The following VTA1 variants were observed in gnomAD, a reference collection of about 807,000 sequenced individuals.
VTA1 encodes the protein vesicle trafficking 1, also known as vacuolar protein sorting-associated protein VTA1 homolog.
VTA1 carries 24 observed loss-of-function variants against 36.9 expected under a neutral mutation model. The observed-to-expected ratio is 0.65, with a 90% CI of 0.47 to 0.91. The LOEUF is 0.91. Ranked by LOEUF, VTA1 falls within the 40% of genes least tolerant of loss-of-function variation. The pLI, the probability that VTA1 is intolerant of heterozygous loss-of-function variation, is 0.00. For missense variants in VTA1, 393 were observed against 377.2 expected (o/e 1.04, Z -0.35); for synonymous variants, 142 against 130.2 (o/e 1.09, Z -0.62).
At chr6:142,156,211 A>G (rs1050877309) in intron 1 of VTA1, among the ~76,000 whole-genome samples, 3 of 152,178 alleles carry the variant, frequency 2.0e-5, no homozygotes, top group African/African-American at 7.2e-5. Flanking sequence ...GACTCGAATA[A>G]ACAAAGTCAG....
chr6:142,211,571 C>T (rs867688765), intron 7 of VTA1, among the ~76,000 whole-genome samples: 7 of 151,910 alleles, frequency 4.6e-5, no homozygotes, highest in Admixed American at 6.6e-5. Context: ...ATTAGCCGGG[C>T]GCGGTGGCAG....
intron 4 of VTA1, among the ~76,000 whole-genome samples, chr6:142,177,559 T>C (rs191597799): frequency 6.6e-6 from 1 of 152,242 alleles, no homozygotes; most frequent in Admixed American, 6.5e-5. Context: ...TAGGAAGCCT[T>C]TATGAACTAG....
intron 4 of VTA1, among the ~76,000 whole-genome samples, chr6:142,187,680 G>C (rs1339243011): frequency 1.3e-5 from 2 of 152,132 alleles, no homozygotes; most frequent in Non-Finnish European, 2.9e-5. Context: ...AAGAAAATCA[G>C]AATCAATGTA....
In VTA1 at chr6:142,223,830, C is replaced by G. The variant is rs1399774927; in HGVS notation, c.*5187C>G. On this transcript the variant is annotated 3_prime_UTR_variant, in exon 8 of 8. Coordinates refer to ENST00000367630, the MANE Select transcript of VTA1 (RefSeq NM_016485.5). ...AAGGTTGAGCTGAAGGTTTGGCAGG[C>G]AGGGAAGCAAGGAGAAGTTAGCAGA... The G allele has an allele frequency of 6.6e-6, 1 of 151,972 alleles. No individual in the cohort carries two copies. The highest frequency in any genetic ancestry group is 2.4e-5 in the African/African-American group (1 of 41,350). 9.4% of individuals were successfully genotyped at this position (151,972 alleles called of 1,614,324 possible).
intron 5 of VTA1, among the ~76,000 whole-genome samples, chr6:142,190,629 A>G (rs1292138566): frequency 2.0e-5 from 3 of 152,222 alleles, no homozygotes; most frequent in African/African-American, 7.2e-5. Flanking sequence ...TTATAAAGAG[A>G]ACGACCACTG....
At chr6:142,202,688 T>C (rs1775712698) in intron 6 of VTA1, among the ~76,000 whole-genome samples, 1 of 151,954 alleles carries the variant, frequency 6.6e-6, no homozygotes, top group Non-Finnish European at 1.5e-5. Flanking sequence ...AGCATTGACA[T>C]ATATATAGAT....
chr6:142,202,190 G>A (rs1291480456), intron 6 of VTA1, among the ~76,000 whole-genome samples: 3 of 151,810 alleles, frequency 2.0e-5, no homozygotes. Flanking sequence ...GCCTTTCAGT[G>A]TTTGGCAAGT....
chr6:142,169,218 G>A (rs1430932584), intron 2 of VTA1, among the ~76,000 whole-genome samples: 1 of 152,018 alleles, frequency 6.6e-6, no homozygotes, highest in African/African-American at 2.4e-5. Context: ...TATAGTTTGG[G>A]TAATAAAACA....
intron 7 of VTA1, among the ~76,000 whole-genome samples, chr6:142,212,330 A>T (rs907519634): frequency 4.6e-5 from 7 of 152,228 alleles, no homozygotes; most frequent in African/African-American, 1.7e-4. Flanking sequence ...GATATTATTC[A>T]GTGCTAGAAG....
chr6:142,158,762 C>T (rs974860392), intron 1 of VTA1, among the ~76,000 whole-genome samples: 1 of 152,112 alleles, frequency 6.6e-6, no homozygotes, highest in African/African-American at 2.4e-5. Flanking sequence ...CATACCTCCA[C>T]TGTGAAGTTA....
intron 6 of VTA1, chr6:142,198,870 T>A (rs1373338744): frequency 1.6e-5 from 4 of 254,584 alleles, no homozygotes; most frequent in Non-Finnish European, 3.0e-5. Flanking sequence ...AAGATTGGTT[T>A]CCATGCTTTT....
intron 7 of VTA1, among the ~76,000 whole-genome samples, chr6:142,211,680 C>T (rs558579944): frequency 1.4e-4 from 20 of 147,362 alleles, no homozygotes; most frequent in Non-Finnish European, 2.2e-4. Context: ...CACTGCAGTC[C>T]GGCCTGGGCG....
At chr6:142,211,637 G>T (rs953595507) in intron 7 of VTA1, among the ~76,000 whole-genome samples, 3 of 151,790 alleles carry the variant, frequency 2.0e-5, no homozygotes, top group Non-Finnish European at 4.4e-5. Context: ...CATGAACACG[G>T]GAGGCAGAGC....
At chr6:142,210,000 A>G (rs1775871084) in intron 7 of VTA1, among the ~76,000 whole-genome samples, 1 of 152,170 alleles carries the variant, frequency 6.6e-6, no homozygotes, top group African/African-American at 2.4e-5. Flanking sequence ...GCATCACACT[A>G]TGTGACTTCA....
intron 1 of VTA1, among the ~76,000 whole-genome samples, chr6:142,149,412 CT>C (rs1778522355): frequency 6.6e-6 from 1 of 152,108 alleles, no homozygotes; most frequent in African/African-American, 2.4e-5. Flanking sequence ...TGTTATTAAA[CT>C]TTTTAATTTT....
In VTA1 at chr6:142,204,829, ATTC is replaced by A. The variant is rs1775758317; in HGVS notation, c.778+766_778+768del. Among the ~76,000 whole-genome samples the A allele has an allele frequency of 2.0e-5, 3 of 151,776 alleles. No individual in the cohort carries two copies. In the East Asian group the frequency reaches 5.8e-4, roughly 29 times the overall value. ...AACCTCTGCCTCCCGGGTTCAAGCT[ATTC>A]TCCTACCTCAACCTCCCCAGTAGCT... is the stretch of plus-strand genomic sequence containing the variant. On this transcript the variant is annotated intron_variant, in intron 7 of 7. Coordinates refer to ENST00000367630, the MANE Select transcript of VTA1 (RefSeq NM_016485.5).
intron 7 of VTA1, among the ~76,000 whole-genome samples, chr6:142,207,297 CAGG>C (rs1395042843): frequency 6.6e-6 from 1 of 152,152 alleles, no homozygotes; most frequent in Non-Finnish European, 1.5e-5. Flanking sequence ...GGTTCCCTGG[CAGG>C]AGATCTGTCC....
At position 142,224,509 on chromosome 6, in the gene VTA1, A is replaced by G. The variant is rs1009106845; in HGVS notation, c.*5866A>G. On this transcript the variant is annotated 3_prime_UTR_variant, in exon 8 of 8. Transcript: ENST00000367630. ...GTATCACGTAAGTTAAACTTTATTT[A>G]TTTACATGTGTCTCCCTCATTAGAT... The G allele has an allele frequency of 3.9e-5, 6 of 152,124 alleles. No homozygotes were observed. The highest frequency in any genetic ancestry group is 1.2e-4 in the African/African-American group (5 of 41,414). The allele number at this position is 152,124 out of a possible 1,614,324, so 9.4% of individuals were successfully genotyped here.
intron 5 of VTA1, among the ~76,000 whole-genome samples, chr6:142,191,928 T>G (rs1474949906): frequency 6.6e-6 from 1 of 152,130 alleles, no homozygotes; most frequent in Non-Finnish European, 1.5e-5. Context: ...TAAAAGGTAG[T>G]ATATTTCACA....
Sources: allele counts gnomAD v4.1 joint callset (sites outside exome capture counted in the v4.1 genomes callset), GRCh38; gene constraint gnomAD v4.1.1; transcripts MANE v1.5; gene names NCBI Gene and HGNC (gene_info 2026-07-23, HGNC 2026-07-21).